Variants in EEF2KMT observed in about 807,000 individuals in gnomAD.
EEF2KMT encodes eukaryotic elongation factor 2 lysine methyltransferase.
Under a neutral mutation model 35.1 loss-of-function variants are expected in EEF2KMT, and 30 were observed. That is an observed-to-expected ratio of 0.85 (90% CI 0.64 to 1.16). The LOEUF is 1.16. Among genes scored for constraint, EEF2KMT ranks in the 50% most tolerant of loss-of-function variants. The probability of loss-of-function intolerance (pLI) is 0.00; values close to 1 mark genes in which losing one functional copy is unlikely to be tolerated. For missense variants in EEF2KMT, 499 were observed against 438.2 expected (o/e 1.14, Z -1.24); for synonymous variants, 190 against 187.7 (o/e 1.01, Z -0.10).
chr16:5,094,678 C>T (rs1319761817), intron 2 of EEF2KMT, among the ~76,000 whole-genome samples: 3 of 151,698 alleles, frequency 2.0e-5, no homozygotes, highest in East Asian at 1.9e-4. Flanking sequence ...TCTCCATGCT[C>T]GAAGCCCTGG....
chr16:5,091,549 C>G (rs887504495), intron 4 of EEF2KMT, among the ~76,000 whole-genome samples: 1 of 152,216 alleles, frequency 6.6e-6, no homozygotes, highest in Non-Finnish European at 1.5e-5. Context: ...GGCACCAGGT[C>G]CTTGTGAAGC....
Position 5,084,650 on chromosome 16 carries a change from G to A in EEF2KMT, c.*982C>T. On this transcript the variant is annotated 3_prime_UTR_variant, in exon 8 of 8. Coordinates refer to ENST00000427587, the MANE Select transcript of EEF2KMT (RefSeq NM_201400.4). ...AGTGAGGGAGTTAGGGACTTGGGAG[G>A]GGTTGTTGTTGGGTCGGGGACCTGG... is the stretch of plus-strand genomic sequence containing the variant. 1.3e-6 allele frequency: 2 copies of A among 1,559,034 alleles called. No homozygotes were observed. The highest frequency in any genetic ancestry group is 1.7e-6 in the Non-Finnish European group (2 of 1,151,388).
Position 5,091,873 on chromosome 16 carries a change from G to C in EEF2KMT, c.263C>G (p.Pro88Arg). 1 of 1,611,928 alleles carries C rather than the reference G, an allele frequency of 6.2e-7. No individual in the cohort carries two copies. The highest frequency in any genetic ancestry group is 8.5e-7 in the Non-Finnish European group (1 of 1,179,786). Reference sequence around the variant, plus strand: ...CAGCGCTTCATACAGCTCGTCCAAAGGCTCTGTGTGGACAGCCTCGTGCTG... The same window carrying C: ...CAGCGCTTCATACAGCTCGTCCAAACGCTCTGTGTGGACAGCCTCGTGCTG... ...IKKHEAVHTE[P>R]LDELYEALAE... Residue 88 changes from proline to arginine, a missense_variant, in exon 4 of 8, where the codon CCT becomes CGT. Transcript: ENST00000427587.
intron 3 of EEF2KMT, among the ~76,000 whole-genome samples, chr16:5,092,294 G>A (rs1031199518): frequency 6.6e-6 from 1 of 152,130 alleles, no homozygotes; most frequent in African/African-American, 2.4e-5. Flanking sequence ...AGCCGTGTTT[G>A]GATCAAACAC....
intron 4 of EEF2KMT, among the ~76,000 whole-genome samples, chr16:5,091,479 C>T (rs148655395): frequency 1.9e-4 from 29 of 151,598 alleles, no homozygotes; most frequent in East Asian, 9.7e-4. Context: ...CCTCCCAAAG[C>T]GCTGGGATTA....
At chr16:5,088,579 G>T (rs1330849219) in intron 7 of EEF2KMT, among the ~76,000 whole-genome samples, 1 of 152,120 alleles carries the variant, frequency 6.6e-6, no homozygotes, top group East Asian at 1.9e-4. Flanking sequence ...GGTGAGATGG[G>T]ACAGTGACAG....
At chr16:5,093,276 A>G (rs1957379648) in intron 3 of EEF2KMT, among the ~76,000 whole-genome samples, 1 of 152,218 alleles carries the variant, frequency 6.6e-6, no homozygotes, top group Non-Finnish European at 1.5e-5. Flanking sequence ...AAACCCCAGG[A>G]GGCAGAGTGA....
Position 5,090,202 on chromosome 16 carries a change from T to C in EEF2KMT, c.624A>G (p.Leu208=), listed in dbSNP as rs764056835. Residue 208 remains leucine, a synonymous_variant, in exon 6 of 8, where the codon TTA becomes TTG. Coordinates refer to ENST00000427587, the MANE Select transcript of EEF2KMT (RefSeq NM_201400.4). The surrounding 1 kb of genome is among the most constrained non-coding windows in gnomAD (Gnocchi z 4.1). ...CTAACTTGGCAGTGATGTCTGCCTC[T>C]AATGAGAGGCCATTGAGAAGGACAT... ...RGNVLLNGLS[L]EADITAKLDS... The C allele has an allele frequency of 6.2e-7, 1 of 1,611,852 alleles. No individual in the cohort carries two copies. The highest frequency in any genetic ancestry group is 8.5e-7 in the Non-Finnish European group (1 of 1,179,856).
Position 5,085,635 on chromosome 16 carries a change from C to T in EEF2KMT, c.990G>A (p.Leu330=), listed in dbSNP as rs1477653204. 2.5e-6 allele frequency: 4 copies of T among 1,604,526 alleles called. No individual in the cohort carries two copies. The highest frequency in any genetic ancestry group is 3.4e-6 in the Non-Finnish European group (4 of 1,173,256). ...CCGTTGGAGTCGTGTGTGAGTCCTACAGGGTGAGATTCAGCATTGCCATCT... is the reference window on the plus strand; with the variant it reads ...CCGTTGGAGTCGTGTGTGAGTCCTATAGGGTGAGATTCAGCATTGCCATCT... ...HLEMAMLNLT[L] The change falls in exon 8 of 8, where the codon CTG becomes CTA. Residue 330 remains leucine, a synonymous_variant. Transcript: ENST00000427587.
rs755855156 is a variant in EEF2KMT, at chr16:5,089,121, A to C, written c.878T>G (p.Phe293Cys). Residue 293 changes from phenylalanine (F) to cysteine (C), a missense_variant, in exon 7 of 8, where the codon TTC becomes TGC. Phe to Cys is a radical substitution (Grantham distance 205). Transcript: ENST00000427587. The part of the protein sequence containing the change: ...TVRNPETCQL[F>C]TTELGRAGIR... ...TGGAGGCTCACCTAGCTCGGTGGTGAACAGCTGGCACGTCTCTGGGTTGCG... is the reference window on the plus strand; with the variant it reads ...TGGAGGCTCACCTAGCTCGGTGGTGCACAGCTGGCACGTCTCTGGGTTGCG... 2.5e-6 allele frequency: 4 copies of C among 1,612,844 alleles called. No homozygotes were observed. In the South Asian group the frequency reaches 4.4e-5, roughly 18 times the overall value.
In EEF2KMT at chr16:5,084,589, C is replaced by A; in HGVS notation, c.*1043G>T. 9.9e-6 allele frequency: 11 copies of A among 1,107,544 alleles called. No individual in the cohort carries two copies. The highest frequency in any genetic ancestry group is 1.4e-5 in the Non-Finnish European group (11 of 763,566). 68.6% of individuals were successfully genotyped at this position (1,107,544 alleles called of 1,614,324 possible). ...AGAAACTGTGATGTCAAGTTGGAGG[C>A]GGAGTGCTGCTGGGGTGTGAAGGGT... On this transcript the variant is annotated 3_prime_UTR_variant, in exon 8 of 8. Coordinates refer to ENST00000427587, the MANE Select transcript of EEF2KMT (RefSeq NM_201400.4).
In EEF2KMT at chr16:5,095,531, G is replaced by C. The variant is rs770989922; in HGVS notation, c.97-17C>G. ...TTCTAAGCTCTGTGTGGAGGGGAAA[G>C]AGAGAAATCTCAAGGGCGCATTCAC... On this transcript the variant is annotated splice_polypyrimidine_tract_variant and intron_variant, in intron 1 of 7. Coordinates refer to ENST00000427587, the MANE Select transcript of EEF2KMT (RefSeq NM_201400.4). The C allele has an allele frequency of 2.5e-6, 4 of 1,611,072 alleles. No homozygotes were observed. Among genetic ancestry groups the C allele is most frequent in the Non-Finnish European group, 1.7e-6 (2 of 1,179,362 alleles).
At position 5,090,716 on chromosome 16, in the gene EEF2KMT, C is replaced by T; in HGVS notation, c.343-151G>A. ...CAGCTAACTGTTGGCATGCCAACAG[C>T]TTTCACGGGCCTCAAGGGTGTCACG... On this transcript the variant is annotated intron_variant, in intron 4 of 7. Transcript: ENST00000427587. The surrounding 1 kb of genome is among the most constrained non-coding windows in gnomAD (Gnocchi z 4.1). 2.8e-6 allele frequency: 3 copies of T among 1,054,600 alleles called. No individual in the cohort carries two copies. The highest frequency in any genetic ancestry group is 4.1e-6 in the Non-Finnish European group (3 of 724,530). The allele number at this position is 1,054,600 out of a possible 1,614,324, so 65.3% of individuals were successfully genotyped here.
chr16:5,084,555 G>C lies in EEF2KMT; in HGVS notation c.*1077C>G. ...AGTGTGGGAAAGTGGGACATGCGGG[G>C]AAGTTTCCAGAAACTGTGATGTCAA... On this transcript the variant is annotated 3_prime_UTR_variant, in exon 8 of 8. Transcript: ENST00000427587. The C allele has an allele frequency of 1.1e-6, 1 of 879,498 alleles. No homozygotes were observed. The highest frequency in any genetic ancestry group is 1.8e-6 in the Non-Finnish European group (1 of 566,738). The allele number at this position is 879,498 out of a possible 1,614,324, so 54.5% of individuals were successfully genotyped here.
At position 5,090,852 on chromosome 16, in the gene EEF2KMT, T is replaced by C. The variant is rs1596275632; in HGVS notation, c.343-287A>G. Among the ~76,000 whole-genome samples, 1 of 152,196 alleles carries C rather than the reference T, an allele frequency of 6.6e-6. No individual in the cohort carries two copies. The highest frequency in any genetic ancestry group is 2.1e-4 in the South Asian group (1 of 4,818). ...ATGTCAGTGGTGGCCAGGGGACAGG[T>C]GTGGCTATGAAGGGGTGGCTGCCTT... On this transcript the variant is annotated intron_variant, in intron 4 of 7. Coordinates refer to ENST00000427587, the MANE Select transcript of EEF2KMT (RefSeq NM_201400.4). The surrounding 1 kb of genome is among the most constrained non-coding windows in gnomAD (Gnocchi z 4.1).
At position 5,091,849 on chromosome 16, in the gene EEF2KMT, A is replaced by T; in HGVS notation, c.287T>A (p.Leu96Gln). The T allele has an allele frequency of 6.2e-7, 1 of 1,611,940 alleles. No homozygotes were observed. Among genetic ancestry groups the T allele is most frequent in the Non-Finnish European group, 8.5e-7 (1 of 1,179,804 alleles). The part of the protein sequence containing the change: ...TEPLDELYEA[L>Q]AETLMAKEST... The stretch of plus-strand genomic sequence containing the variant: ...CTCCTTGGCCATCAGGGTCTCCGCC[A>T]GCGCTTCATACAGCTCGTCCAAAGG... Residue 96 changes from leucine (L) to glutamine (Q), a missense_variant, in exon 4 of 8, where the codon CTG becomes CAG. Physicochemically the swap from Leu to Gln is moderately radical, Grantham distance 113. Coordinates refer to ENST00000427587, the MANE Select transcript of EEF2KMT (RefSeq NM_201400.4).
chr16:5,092,249 G>A (rs887180468), intron 3 of EEF2KMT, among the ~76,000 whole-genome samples: 5 of 152,190 alleles, frequency 3.3e-5, no homozygotes, highest in Admixed American at 2.6e-4. Flanking sequence ...AGGAGACAAG[G>A]ATTCCGTGAG....
chr16:5,091,240 C>A (rs1405156422), intron 4 of EEF2KMT, among the ~76,000 whole-genome samples: 1 of 152,218 alleles, frequency 6.6e-6, no homozygotes, highest in African/African-American at 2.4e-5. Flanking sequence ...CACTACCACA[C>A]CCCGCTAATT....
intron 3 of EEF2KMT, among the ~76,000 whole-genome samples, chr16:5,092,345 G>A (rs1247682098): frequency 1.3e-5 from 2 of 152,190 alleles, no homozygotes; most frequent in African/African-American, 4.8e-5. Flanking sequence ...GTGAGCCCAG[G>A]CAGAAGTGTG....
Sources: gnomAD v4.1 joint callset for allele counts (sites outside exome capture counted in the v4.1 genomes callset) on GRCh38, gnomAD v4.1.1 for gene constraint, Gnocchi (gnomAD v3.1) non-coding constraint, MANE v1.5 for transcripts, NCBI Gene and HGNC (gene_info 2026-07-23, HGNC 2026-07-21) for gene names.